RPS6KC1: variants seen among roughly 807,000 people sequenced by gnomAD.
RPS6KC1 encodes the protein ribosomal protein S6 kinase C1.
A neutral mutation model predicts 103.8 loss-of-function variants in RPS6KC1; 54 were observed. That is an observed-to-expected ratio of 0.52 (90% CI 0.42 to 0.65). The LOEUF (loss-of-function observed/expected upper bound fraction) is 0.65. RPS6KC1 is among the 30% of genes least tolerant of loss of function. The pLI, the probability that RPS6KC1 is intolerant of heterozygous loss-of-function variation, is 0.00. For missense variants in RPS6KC1, 1,151 were observed against 1,253.8 expected, an observed-to-expected ratio of 0.92 and a Z score of 1.24; for synonymous variants, 439 against 438.7, an observed-to-expected ratio of 1.00 and a Z score of -0.01.
the RPS6KC1 span, among the ~76,000 whole-genome samples, chr1:213,442,949 T>C: frequency 2.0e-5 from 3 of 151,792 alleles, no homozygotes; most frequent in African/African-American, 7.3e-5. Flanking sequence ...ACTGGACTCC[T>C]TTCTCAGGGT....
chr1:213,270,170 G>C (rs1249981225), intron 14 of RPS6KC1, among the ~76,000 whole-genome samples: 1 of 152,108 alleles, frequency 6.6e-6, no homozygotes, highest in African/African-American at 2.4e-5. Flanking sequence ...ATAAAACCAC[G>C]ATAGTTTTAA....
chr1:213,118,769 G>A (rs930172664), intron 5 of RPS6KC1, among the ~76,000 whole-genome samples: 8 of 151,982 alleles, frequency 5.3e-5, no homozygotes, highest in African/African-American at 1.9e-4. Flanking sequence ...ATGCATGGGG[G>A]CCACATGCCC....
chr1:213,128,796 T>G lies in RPS6KC1; in HGVS notation c.473-731T>G, dbSNP rs377077877. ...TTGTTATATAGTTACAGGTTGAGTA[T>G]CCCTAATCTGAAAATCTGAAATCTG... On this transcript the variant is annotated intron_variant, in intron 5 of 14. Coordinates refer to ENST00000366960, the MANE Select transcript of RPS6KC1 (RefSeq NM_012424.6). Among the ~76,000 whole-genome samples the G allele has an allele frequency of 1.1e-4, 16 of 152,336 alleles. No individual in the cohort carries two copies. The East Asian group carries it at 2.5e-3, about 24-fold the overall frequency.
At chr1:213,826,768 G>A in the RPS6KC1 span, among the ~76,000 whole-genome samples, 2 of 152,102 alleles carry the variant, frequency 1.3e-5, no homozygotes, top group Non-Finnish European at 2.9e-5. Flanking sequence ...GAACAACCCT[G>A]GGAAGGGGGG....
chr1:213,603,860 A>T, the RPS6KC1 span, among the ~76,000 whole-genome samples: 1 of 152,164 alleles, frequency 6.6e-6, no homozygotes, highest in Non-Finnish European at 1.5e-5. Flanking sequence ...ACTCTGTCTC[A>T]AAAAAAGAAA....
At chr1:213,628,866 G>T in the RPS6KC1 span, among the ~76,000 whole-genome samples, 2 of 152,294 alleles carry the variant, frequency 1.3e-5, no homozygotes, top group South Asian at 4.1e-4. Flanking sequence ...GGAGCAGGTT[G>T]CTCAGTTTCC....
chr1:213,672,110 G>T, the RPS6KC1 span, among the ~76,000 whole-genome samples: 1 of 152,012 alleles, frequency 6.6e-6, no homozygotes, highest in East Asian at 1.9e-4. Context: ...GGATGCTCTG[G>T]ACTGTACTCT....
the RPS6KC1 span, among the ~76,000 whole-genome samples, chr1:213,349,691 C>T: frequency 6.6e-6 from 1 of 152,142 alleles, no homozygotes. Flanking sequence ...AACACAAAAG[C>T]ACAGACCACA....
At chr1:213,534,472 A>T in the RPS6KC1 span, among the ~76,000 whole-genome samples, 1 of 152,292 alleles carries the variant, frequency 6.6e-6, no homozygotes, top group Non-Finnish European at 1.5e-5. Flanking sequence ...CTTCCTAAAG[A>T]TAGAGTAGAA....
chr1:213,804,173 T>TAAA, the RPS6KC1 span, among the ~76,000 whole-genome samples: 1,475 of 57,582 alleles, frequency 0.026, 36 homozygotes, highest in African/African-American at 0.05. Context: ...TGGCTAATCT[T>TAAA]AAAAAAAAAA....
At chr1:213,253,560 T>G (rs529932696) in intron 12 of RPS6KC1, among the ~76,000 whole-genome samples, 5 of 152,352 alleles carry the variant, frequency 3.3e-5, no homozygotes, top group African/African-American at 1.2e-4. Context: ...CAATTTTCGA[T>G]TCAATTTCCA....
chr1:213,819,175 G>A, the RPS6KC1 span: 9 of 152,264 alleles, frequency 5.9e-5, no homozygotes, highest in African/African-American at 1.9e-4. Context: ...AACTCACAAA[G>A]GCTCAATCAA....
chr1:213,118,021 C>CAGAAAAAAAAAAAAAAAAA (rs1553331613), intron 5 of RPS6KC1, among the ~76,000 whole-genome samples: 1 of 34,182 alleles, frequency 2.9e-5, no homozygotes, highest in African/African-American at 1.2e-4. Context: ...GACTTTGTCT[C>CAGAAAAAAAAAAAAAAAAA]AAAAAAAAAA....
the RPS6KC1 span, among the ~76,000 whole-genome samples, chr1:213,305,812 C>CTCT: frequency 6.6e-6 from 1 of 152,178 alleles, no homozygotes; most frequent in East Asian, 1.9e-4. Context: ...TGTGCCGTGC[C>CTCT]CTCTCCATTT....
At chr1:213,363,749 C>CTTTCTTTCTTTCTTTCCTTCTT in the RPS6KC1 span, among the ~76,000 whole-genome samples, 2 of 60,684 alleles carry the variant, frequency 3.3e-5, 1 homozygote, top group African/African-American at 2.0e-4. Context: ...TCTCTTCTTT[C>CTTTCTTTCTTTCTTTCCTTCTT]TCTTTCTCTC....
chr1:213,356,520 A>G, the RPS6KC1 span, among the ~76,000 whole-genome samples: 1 of 152,092 alleles, frequency 6.6e-6, no homozygotes, highest in African/African-American at 2.4e-5. Flanking sequence ...GCGGGGCGTG[A>G]TAGCAGGTGC....
At chr1:213,174,529 G>T (rs1205255779) in intron 7 of RPS6KC1, among the ~76,000 whole-genome samples, 4 of 151,970 alleles carry the variant, frequency 2.6e-5, no homozygotes, top group Non-Finnish European at 4.4e-5. Context: ...AATTAGCTGG[G>T]CATGGTGGTA....
chr1:213,600,485 G>T, the RPS6KC1 span, among the ~76,000 whole-genome samples: 1 of 152,162 alleles, frequency 6.6e-6, no homozygotes, highest in Admixed American at 6.5e-5. Flanking sequence ...CCTATAGGGG[G>T]AATCAGAGAT....
chr1:213,176,511 T>C lies in RPS6KC1; in HGVS notation c.1044+19T>C, dbSNP rs760299700. ...TGACAAGGTAATTCTTCAGTGTCTC[T>C]TCAAGAGTTCAGTCATAAATCGACT... is the stretch of plus-strand genomic sequence containing the variant. On this transcript the variant is annotated intron_variant, in intron 8 of 14. Coordinates refer to ENST00000366960, the MANE Select transcript of RPS6KC1 (RefSeq NM_012424.6). 4.0e-6 allele frequency: 6 copies of C among 1,495,836 alleles called. No homozygotes were observed. The South Asian group carries it at 5.9e-5, about 15-fold the overall frequency. The allele number at this position is 1,495,836 out of a possible 1,614,324, so 92.7% of individuals were successfully genotyped here. A position where few individuals can be genotyped will look rare whatever the true frequency, so the allele number is the denominator to read the frequency against.
Sources: gnomAD v4.1 joint callset for allele counts (sites outside exome capture counted in the v4.1 genomes callset) on GRCh38, gnomAD v4.1.1 for gene constraint, MANE v1.5 for transcripts, NCBI Gene and HGNC (gene_info 2026-07-23, HGNC 2026-07-21) for gene names.